WIF1: variants seen among roughly 807,000 people sequenced by gnomAD.
WIF1 encodes Wnt inhibitory factor 1.
A neutral mutation model predicts 53.5 loss-of-function variants in WIF1; 35 were observed. The ratio of observed to expected loss-of-function variants is 0.65; its 90% CI spans 0.50 to 0.87. The LOEUF is 0.87. Ranked by LOEUF, WIF1 falls within the 40% of genes least tolerant of loss-of-function variation. WIF1 has a pLI of 0.00. For missense variants in WIF1, 467 were observed against 476.8 expected, an observed-to-expected ratio of 0.98 and a Z score of 0.19; for synonymous variants, 171 against 170.4, an observed-to-expected ratio of 1.00 and a Z score of -0.03.
chr12:65,094,940 ATTTATTTAT>A (rs1327350223), intron 2 of WIF1, among the ~76,000 whole-genome samples: 3 of 136,146 alleles, frequency 2.2e-5, no homozygotes, highest in African/African-American at 8.0e-5. Context: ...TTATTTATTT[ATTTATTTAT>A]TTTGACAAGG....
chr12:65,055,303 G>A, intron 8 of WIF1, 90 bp from the exon 9 acceptor site: 1 of 1,418,474 alleles, frequency 7.0e-7, no homozygotes. Flanking sequence ...TCTTTAGAAT[G>A]TGTTAGTTTT....
chr12:65,068,690 G>GTGTGT, intron 4 of WIF1, 74 bp downstream of exon 4: 2 of 1,212,198 alleles, frequency 1.6e-6, no homozygotes, highest in African/African-American at 4.1e-5. Context: ...TGTGTGTATA[G>GTGTGT]ATATAAATAT....
chr12:65,101,735 A>G (rs1883284617), intron 2 of WIF1, among the ~76,000 whole-genome samples: 3 of 152,220 alleles, frequency 2.0e-5, no homozygotes, highest in South Asian at 2.1e-4. Flanking sequence ...TAATTTGCCA[A>G]TGAGGACAAA....
At chr12:65,052,526 C>A (rs761159104) in intron 9 of WIF1, among the ~76,000 whole-genome samples, 1 of 152,166 alleles carries the variant, frequency 6.6e-6, no homozygotes, top group East Asian at 1.9e-4. Flanking sequence ...GAACTCCCAA[C>A]GTGTCATCCC....
At chr12:65,079,045 G>A (rs566917707) in intron 2 of WIF1, among the ~76,000 whole-genome samples, 2 of 151,208 alleles carry the variant, frequency 1.3e-5, no homozygotes. Context: ...GGTGCTTGTA[G>A]TCCCAGCTAC....
chr12:65,101,525 T>G (rs765496234), intron 2 of WIF1, among the ~76,000 whole-genome samples: 9 of 152,206 alleles, frequency 5.9e-5, no homozygotes, highest in Non-Finnish European at 1.3e-4. Flanking sequence ...GAAATTTTAT[T>G]AACATTAAAA....
intron 2 of WIF1, among the ~76,000 whole-genome samples, chr12:65,104,407 A>G (rs1300389993): frequency 6.6e-6 from 1 of 152,206 alleles, no homozygotes; most frequent in African/African-American, 2.4e-5. Flanking sequence ...AATAAAGATG[A>G]AGATTCAGAA....
intron 3 of WIF1, among the ~76,000 whole-genome samples, chr12:65,074,276 T>C (rs1411442373): frequency 6.6e-6 from 1 of 151,990 alleles, no homozygotes; most frequent in African/African-American, 2.4e-5. Context: ...AAAAAGCACT[T>C]AGGATACAAG....
chr12:65,056,891 C>T (rs1014590746), intron 7 of WIF1, among the ~76,000 whole-genome samples: 11 of 152,098 alleles, frequency 7.2e-5, no homozygotes, highest in Non-Finnish European at 1.5e-4. Flanking sequence ...CTCAAGTGAT[C>T]CCCCCACCTC....
chr12:65,077,875 A>G (rs1447224574), intron 2 of WIF1, 21 bp from the exon 3 acceptor site: 4 of 1,576,034 alleles, frequency 2.5e-6, no homozygotes, highest in Non-Finnish European at 3.5e-6. Context: ...AGGCACTGAC[A>G]GTTAGTAACA....
At chr12:65,068,688 TAG>T in intron 4 of WIF1, 74 bp downstream of exon 4, 7 of 1,481,756 alleles carry the variant, frequency 4.7e-6, no homozygotes, top group African/African-American at 4.2e-5. Flanking sequence ...TGTGTGTGTA[TAG>T]ATATAAATAT....
intron 2 of WIF1, among the ~76,000 whole-genome samples, chr12:65,088,252 C>T (rs1342714776): frequency 6.6e-6 from 1 of 152,140 alleles, no homozygotes; most frequent in Non-Finnish European, 1.5e-5. Flanking sequence ...CCCAGGTATG[C>T]TGTCCCATTC....
chr12:65,066,878 G>A (rs1228343096), intron 5 of WIF1, 142 bp from the exon 6 acceptor site: 1 of 451,912 alleles, frequency 2.2e-6, no homozygotes, highest in Non-Finnish European at 3.8e-6. Context: ...ATACAAGTTT[G>A]CTATATTAAT....
rs115273783 is a variant in WIF1, at chr12:65,078,287, G to A, written c.289-433C>T. Among the ~76,000 whole-genome samples, 905 of 152,096 alleles carry A rather than the reference G, an allele frequency of 6.0e-3. 5 individuals are homozygous for A. Among genetic ancestry groups the A allele is most frequent in the African/African-American group, 0.021 (855 of 41,490 alleles). On this transcript the variant is annotated intron_variant, in intron 2 of 9. Coordinates refer to ENST00000286574, the MANE Select transcript of WIF1 (RefSeq NM_007191.5). The stretch of plus-strand genomic sequence containing the variant: ...AGAGACAGGGTTTCACCATGTTGCC[G>A]GGGTCTGTCTCGAACTTCTGACCTC...
In WIF1 at chr12:65,121,174, G is replaced by A; in HGVS notation, c.18C>T (p.Ala6=). 1 of 1,544,802 alleles carries A rather than the reference G, an allele frequency of 6.5e-7. No individual in the cohort carries two copies. The highest frequency in any genetic ancestry group is 8.7e-7 in the Non-Finnish European group (1 of 1,144,344). The change falls in exon 1 of 10, where the codon GCC becomes GCT. Residue 6 remains alanine (A), a synonymous_variant. Coordinates refer to ENST00000286574, the MANE Select transcript of WIF1 (RefSeq NM_007191.5). ...AGAGCCAGAGCGCGGCGGCAGGGAA[G>A]GCGCTCCTCCGGGCCATGCTGCTCA... MARRS[A]FPAAALWLWS...
intron 7 of WIF1, among the ~76,000 whole-genome samples, chr12:65,059,611 A>G (rs1882580458): frequency 6.6e-6 from 1 of 151,688 alleles, no homozygotes; most frequent in African/African-American, 2.4e-5. Flanking sequence ...AGCATATCTC[A>G]CAATCAACTC....
At chr12:65,100,773 C>A (rs919032811) in intron 2 of WIF1, among the ~76,000 whole-genome samples, 1 of 152,136 alleles carries the variant, frequency 6.6e-6, no homozygotes, top group Admixed American at 6.5e-5. Flanking sequence ...GTAATCCCAG[C>A]GCTTTGGGAG....
intron 2 of WIF1, among the ~76,000 whole-genome samples, chr12:65,080,155 C>G (rs1377173929): frequency 1.3e-5 from 2 of 152,184 alleles, no homozygotes; most frequent in Non-Finnish European, 2.9e-5. Context: ...TTGAGAAACA[C>G]TTCCTGGTTT....
intron 3 of WIF1, 127 bp from the exon 4 acceptor site, chr12:65,069,031 T>A: frequency 1.0e-6 from 1 of 985,538 alleles, no homozygotes. Flanking sequence ...TTTCCTTGTA[T>A]CTCCACTGGA....
Sources: gnomAD v4.1 joint callset for allele counts (sites outside exome capture counted in the v4.1 genomes callset) on GRCh38, gnomAD v4.1.1 for gene constraint, MANE v1.5 for transcripts, NCBI Gene and HGNC (gene_info 2026-07-23, HGNC 2026-07-21) for gene names.